Variants in PCDHA5 observed in about 807,000 individuals in gnomAD.
PCDHA5 encodes the protein protocadherin alpha 5.
PCDHA5 carries 43 observed loss-of-function variants against 61.6 expected under a neutral mutation model. That is an observed-to-expected ratio of 0.70 (90% CI 0.55 to 0.90). The LOEUF (loss-of-function observed/expected upper bound fraction) is 0.90. Among genes scored for constraint, PCDHA5 ranks in the 40% least tolerant of loss-of-function variants. The pLI, the probability that PCDHA5 is intolerant of heterozygous loss-of-function variation, is 0.00. For synonymous variants in PCDHA5, 627 were observed against 543.9 expected (o/e 1.15, Z -2.13); for missense variants, 1,298 against 1,222.7 (o/e 1.06, Z -0.92).
Position 140,857,640 on chromosome 5 carries a change from A to T in PCDHA5, c.2352+33513A>T, listed in dbSNP as rs1554150415. The T allele has an allele frequency of 1.3e-6, 2 of 1,596,722 alleles. 1 individual carries two copies. The highest frequency in any genetic ancestry group is 3.4e-5 in the Admixed American group (2 of 59,300). On this transcript the variant is annotated intron_variant, in intron 1 of 3. Coordinates refer to ENST00000529859, the MANE Select transcript of PCDHA5 (RefSeq NM_018908.3). The stretch of plus-strand genomic sequence containing the variant: ...GACCACGAGGAGCTGGAGCTGCTAC[A>T]GTTCCAGGTGAGCGCGCGCGATGGG...
chr5:140,851,487 C>G (rs1273932978), intron 1 of PCDHA5: 3 of 888,978 alleles, frequency 3.4e-6, no homozygotes, highest in African/African-American at 1.8e-5. Context: ...TAAACACAGC[C>G]TTCATTTCAA....
At chr5:140,982,159 G>A (rs1466298378) in intron 2 of PCDHA5, among the ~76,000 whole-genome samples, 1 of 152,262 alleles carries the variant, frequency 6.6e-6, no homozygotes, top group African/African-American at 2.4e-5. Flanking sequence ...GTATCGAGAT[G>A]TTAAAATGGC....
intron 1 of PCDHA5, chr5:140,860,476 G>A (rs1456923557): frequency 3.9e-5 from 6 of 152,106 alleles, no homozygotes; most frequent in Non-Finnish European, 8.8e-5. Context: ...TGGTGCAGTA[G>A]TACTTTATTT....
intron 1 of PCDHA5, among the ~76,000 whole-genome samples, chr5:140,975,683 G>T (rs1226769029): frequency 6.6e-6 from 1 of 151,934 alleles, no homozygotes; most frequent in Non-Finnish European, 1.5e-5. Context: ...AATAAAATAG[G>T]GTATTTTAAA....
intron 1 of PCDHA5, among the ~76,000 whole-genome samples, chr5:140,930,792 A>G (rs782797665): frequency 4.9e-4 from 74 of 152,228 alleles, no homozygotes; most frequent in Admixed American, 1.4e-3. Flanking sequence ...AATATAATAG[A>G]ATCCAGCATA....
chr5:141,003,638 G>C (rs2098132492), intron 3 of PCDHA5, among the ~76,000 whole-genome samples: 1 of 152,118 alleles, frequency 6.6e-6, no homozygotes, highest in Admixed American at 6.6e-5. Flanking sequence ...TAAAGTAGAA[G>C]TGAAGATCTG....
At chr5:140,870,161 C>T (rs745813666) in intron 1 of PCDHA5, 10 of 1,614,124 alleles carry the variant, frequency 6.2e-6, no homozygotes, top group Non-Finnish European at 8.5e-6. Context: ...GCCGTGACTT[C>T]CTTGTCCCTC....
chr5:140,881,300 T>C, intron 1 of PCDHA5: 3 of 957,608 alleles, frequency 3.1e-6, no homozygotes, highest in Non-Finnish European at 3.7e-6. Flanking sequence ...ATGGAAACTT[T>C]AACCTCCTGG....
intron 1 of PCDHA5, chr5:140,843,593 GTGTGCTC>G: frequency 1.3e-6 from 2 of 1,596,072 alleles, no homozygotes; most frequent in Non-Finnish European, 1.7e-6. Context: ...GCCGCAGAGG[GTGTGCTC>G]TGGTGAGGGG....
intron 1 of PCDHA5, among the ~76,000 whole-genome samples, chr5:140,874,080 C>A (rs2054679872): frequency 6.6e-6 from 1 of 152,142 alleles, no homozygotes; most frequent in South Asian, 2.1e-4. Flanking sequence ...CTGATGACAT[C>A]AAAATTCAAA....
At chr5:140,870,893 A>G in intron 1 of PCDHA5, 1 of 1,613,930 alleles carries the variant, frequency 6.2e-7, no homozygotes, top group Non-Finnish European at 8.5e-7. Flanking sequence ...CGCGCAGTGG[A>G]TGCGGACTCA....
chr5:140,989,128 G>A (rs2097330831), intron 3 of PCDHA5: 1 of 152,178 alleles, frequency 6.6e-6, no homozygotes, highest in Non-Finnish European at 1.5e-5. Flanking sequence ...AGAAAAATAA[G>A]ACACTTTATC....
intron 1 of PCDHA5, chr5:140,870,939 G>C (rs555504652): frequency 6.2e-7 from 1 of 1,613,732 alleles, no homozygotes; most frequent in South Asian, 1.1e-5. Flanking sequence ...AATTGCAGCC[G>C]GCGGCGGGCG....
chr5:140,862,475 C>T (rs1252932396), intron 1 of PCDHA5: 2 of 377,970 alleles, frequency 5.3e-6, no homozygotes, highest in African/African-American at 4.2e-5. Flanking sequence ...GCAAATCTAT[C>T]CATTGTTGGT....
intron 1 of PCDHA5, chr5:140,876,150 C>A (rs782752906): frequency 5.0e-6 from 8 of 1,613,798 alleles, no homozygotes; most frequent in Non-Finnish European, 2.5e-6. Context: ...CAGGGTCTGT[C>A]CAGATTCAAA....
At chr5:140,904,440 A>G (rs1455600144) in intron 1 of PCDHA5, among the ~76,000 whole-genome samples, 1 of 151,204 alleles carries the variant, frequency 6.6e-6, no homozygotes, top group Non-Finnish European at 1.5e-5. Flanking sequence ...TATGTATATT[A>G]CAATTTCTTT....
In PCDHA5 at chr5:140,871,203, C is replaced by A. The variant is rs369236762; in HGVS notation, c.2352+47076C>A. On this transcript the variant is annotated intron_variant, in intron 1 of 3. Transcript: ENST00000529859. ...TGGTGGATGTCAACGTGTACCTGAT[C>A]ATCGCCATCTGCGTGGTGTCCAGCC... The A allele has an allele frequency of 6.3e-5, 101 of 1,613,744 alleles. No homozygotes were observed. The African/African-American group carries it at 1.3e-3, about 21-fold the overall frequency.
At position 140,967,566 on chromosome 5, in the gene PCDHA5, G is replaced by T. The variant is rs1586227015; in HGVS notation, c.2353-11383G>T. The stretch of plus-strand genomic sequence containing the variant: ...CAGTCCACTTATCGCGTCCAGCTAC[G>T]GGAGGACTCACCCCCAGGCACATTG... On this transcript the variant is annotated intron_variant, in intron 1 of 3. Coordinates refer to ENST00000529859, the MANE Select transcript of PCDHA5 (RefSeq NM_018908.3). 6 of 1,614,060 alleles carry T rather than the reference G, an allele frequency of 3.7e-6. No homozygotes were observed. In the East Asian group the frequency reaches 1.3e-4, roughly 36 times the overall value.
At chr5:140,974,804 A>G (rs2096641388) in intron 1 of PCDHA5, among the ~76,000 whole-genome samples, 1 of 152,204 alleles carries the variant, frequency 6.6e-6, no homozygotes, top group Non-Finnish European at 1.5e-5. Context: ...TTGATATACT[A>G]GAAGACCAAT....
Sources: gnomAD v4.1 joint callset for allele counts (sites outside exome capture counted in the v4.1 genomes callset) on GRCh38, gnomAD v4.1.1 for gene constraint, MANE v1.5 for transcripts, NCBI Gene and HGNC (gene_info 2026-07-23, HGNC 2026-07-21) for gene names.